Variants in DCC observed in about 807,000 individuals in gnomAD.
DCC encodes netrin receptor DCC.
Under a neutral mutation model 172.5 loss-of-function variants are expected in DCC, and 58 were observed. The ratio of observed to expected loss-of-function variants is 0.34; its 90% CI spans 0.27 to 0.42. The LOEUF is 0.42. Ranked by LOEUF, DCC falls within the 10% of genes least tolerant of loss-of-function variation. The pLI is 1.00. For missense variants in DCC, 1,740 were observed against 1,791.0 expected, an observed-to-expected ratio of 0.97 and a Z score of 0.51; for synonymous variants, 709 against 644.5, an observed-to-expected ratio of 1.10 and a Z score of -1.52.
At chr18:53,467,148 A>G (rs1306159834) in intron 24 of DCC, among the ~76,000 whole-genome samples, 1 of 152,120 alleles carries the variant, frequency 6.6e-6, no homozygotes, top group Non-Finnish European at 1.5e-5. Flanking sequence ...ACCTTATTAC[A>G]TAGATATAGG....
At chr18:53,469,704 T>C (rs2045671552) in intron 25 of DCC, among the ~76,000 whole-genome samples, 1 of 152,276 alleles carries the variant, frequency 6.6e-6, no homozygotes, top group Non-Finnish European at 1.5e-5. Context: ...AATATTAATA[T>C]TCTGTCATAA....
At chr18:53,461,371 A>T (rs1419566722) in intron 24 of DCC, among the ~76,000 whole-genome samples, 1 of 151,776 alleles carries the variant, frequency 6.6e-6, no homozygotes, top group Non-Finnish European at 1.5e-5. Flanking sequence ...CTATGTCCTG[A>T]ATGGTAATGC....
chr18:52,528,022 A>G (rs889980914), intron 1 of DCC, among the ~76,000 whole-genome samples: 6 of 152,168 alleles, frequency 3.9e-5, no homozygotes, highest in Non-Finnish European at 7.3e-5. Context: ...CTAAGCTCTA[A>G]AATATTCTTG....
At chr18:53,007,789 T>G (rs754608498) in intron 5 of DCC, among the ~76,000 whole-genome samples, 4 of 152,114 alleles carry the variant, frequency 2.6e-5, no homozygotes, top group Admixed American at 2.0e-4. Context: ...TAACATGAAG[T>G]GCTCAGTGTT....
chr18:53,187,941 T>C (rs1227649534), intron 9 of DCC, among the ~76,000 whole-genome samples: 1 of 152,218 alleles, frequency 6.6e-6, no homozygotes, highest in Non-Finnish European at 1.5e-5. Context: ...AAAGCTGAGA[T>C]GGTGTCACTC....
intron 27 of DCC, among the ~76,000 whole-genome samples, chr18:53,508,516 G>A (rs921148493): frequency 6.6e-6 from 1 of 152,110 alleles, no homozygotes; most frequent in African/African-American, 2.4e-5. Flanking sequence ...TTTAAACCAC[G>A]ATAACCTAGT....
At chr18:52,573,575 T>A (rs1450684451) in intron 1 of DCC, among the ~76,000 whole-genome samples, 1 of 152,232 alleles carries the variant, frequency 6.6e-6, no homozygotes, top group Non-Finnish European at 1.5e-5. Context: ...TCATTTGTGG[T>A]GTTTTCATTT....
chr18:52,509,597 G>C (rs1361693972), intron 1 of DCC, among the ~76,000 whole-genome samples: 3 of 152,116 alleles, frequency 2.0e-5, no homozygotes, highest in Non-Finnish European at 4.4e-5. Context: ...GAACCTCATG[G>C]CTACATAAAC....
intron 7 of DCC, among the ~76,000 whole-genome samples, chr18:53,106,526 A>G (rs918913999): frequency 1.3e-5 from 2 of 151,934 alleles, no homozygotes; most frequent in South Asian, 4.1e-4. Context: ...CTCAAGATGT[A>G]ATAAGAGGAG....
intron 20 of DCC, 56 bp downstream of exon 20, chr18:53,410,702 C>T: frequency 1.8e-6 from 2 of 1,106,268 alleles, no homozygotes; most frequent in Non-Finnish European, 2.8e-6. Flanking sequence ...TATAAAATAG[C>T]TTTGCACTCT....
At chr18:53,047,449 A>ATATATATG (rs2042266717) in intron 5 of DCC, among the ~76,000 whole-genome samples, 1 of 93,798 alleles carries the variant, frequency 1.1e-5, no homozygotes, top group Non-Finnish European at 2.0e-5. Flanking sequence ...ATATATATAT[A>ATATATATG]TATATATATA....
chr18:52,354,233 T>A (rs918853268), intron 1 of DCC, among the ~76,000 whole-genome samples: 8 of 152,104 alleles, frequency 5.3e-5, no homozygotes, highest in Admixed American at 2.0e-4. Context: ...ACTGGAATAG[T>A]TTGTCACTCC....
At chr18:52,502,413 C>G (rs1048158312) in intron 1 of DCC, among the ~76,000 whole-genome samples, 6 of 152,138 alleles carry the variant, frequency 3.9e-5, no homozygotes, top group African/African-American at 1.4e-4. Flanking sequence ...TATGCATCTT[C>G]AAATATCTTT....
rs200773289 is a variant in DCC at position 53,395,537 on chromosome 18, T to G, written c.2689-1771T>G. On this transcript the variant is annotated intron_variant, in intron 17 of 28. Coordinates refer to ENST00000442544, the MANE Select transcript of DCC (RefSeq NM_005215.4). ...CAAAAATGGAAGTAATATATCTGCA[T>G]GTCAGATACTAGCTGACCACTTTGT... Among the ~76,000 whole-genome samples, 9 of 152,386 alleles carry G rather than the reference T, an allele frequency of 5.9e-5. No individual in the cohort carries two copies. In the South Asian group the frequency reaches 8.3e-4, roughly 14 times the overall value.
At chr18:53,515,103 G>T (rs1158029081) in intron 27 of DCC, among the ~76,000 whole-genome samples, 10 of 151,690 alleles carry the variant, frequency 6.6e-5, no homozygotes, top group Non-Finnish European at 4.4e-5. Flanking sequence ...TATCCACCAT[G>T]ATCAAGTGGG....
At chr18:52,792,604 T>C (rs7227123) in intron 2 of DCC, among the ~76,000 whole-genome samples, 29,143 of 152,160 alleles carry the variant, frequency 0.19, 3,034 homozygotes, top group Middle Eastern at 0.25. Flanking sequence ...CCCATAGGTA[T>C]TGGGGGATTC....
chr18:52,578,803 C>T (rs1316189540), intron 1 of DCC, among the ~76,000 whole-genome samples: 1 of 152,098 alleles, frequency 6.6e-6, no homozygotes, highest in East Asian at 1.9e-4. Flanking sequence ...TTGAGACCAT[C>T]CTGGCCAACA....
At chr18:53,195,818 A>G (rs560403819) in intron 9 of DCC, among the ~76,000 whole-genome samples, 2 of 152,274 alleles carry the variant, frequency 1.3e-5, no homozygotes, top group East Asian at 1.9e-4. Flanking sequence ...CAATAGATCT[A>G]TTTCTGGAAT....
chr18:53,416,005 T>C (rs573764343), intron 20 of DCC, 119 bp from the exon 21 acceptor site: 3 of 746,884 alleles, frequency 4.0e-6, no homozygotes, highest in East Asian at 5.3e-5. Flanking sequence ...TCAATTTTAT[T>C]TCAAGAGGGC....
Sources: allele counts gnomAD v4.1 joint callset (sites outside exome capture counted in the v4.1 genomes callset), GRCh38; gene constraint gnomAD v4.1.1; transcripts MANE v1.5; gene names NCBI Gene and HGNC (gene_info 2026-07-23, HGNC 2026-07-21).